Variants in RPS24 observed in about 807,000 individuals in gnomAD.
RPS24 encodes the protein ribosomal protein S24.
For missense variants in RPS24, 100 were observed against 162.5 expected, an observed-to-expected ratio of 0.62 and a Z score of 2.09; for synonymous variants, 72 against 55.6, an observed-to-expected ratio of 1.30 and a Z score of -1.31.
intron 1 of RPS24, among the ~76,000 whole-genome samples, chr10:78,034,822 C>T (rs76957718): frequency 0.046 from 7,035 of 152,258 alleles, 509 homozygotes; most frequent in African/African-American, 0.16. Flanking sequence ...ACATGATAAA[C>T]ACAGTTCATT....
chr10:78,052,591 T>G (rs982450156), intron 4 of RPS24, among the ~76,000 whole-genome samples: 4 of 152,114 alleles, frequency 2.6e-5, no homozygotes, highest in Non-Finnish European at 5.9e-5. Flanking sequence ...GCACGGCAGG[T>G]TCTGCTCTGC....
At position 78,034,013 on chromosome 10, in the gene RPS24, T is replaced by C. The variant is rs548013256; in HGVS notation, c.3+109T>C. On this transcript the variant is annotated intron_variant, in intron 1 of 5. Coordinates refer to ENST00000372360, the MANE Select transcript of RPS24 (RefSeq NM_033022.4). ...CACGCGAAGCCCGGTTGCTCTTCTC[T>C]GGCCGTTTCTGTCAGAGGATGGTTG... 5.1e-6 allele frequency: 7 copies of C among 1,363,874 alleles called. No individual in the cohort carries two copies. In the African/African-American group the frequency reaches 9.9e-5, roughly 19 times the overall value. 84.5% of individuals were successfully genotyped at this position (1,363,874 alleles called of 1,614,324 possible). A position where few individuals can be genotyped will look rare whatever the true frequency, so the allele number is the denominator to read the frequency against.
chr10:78,038,527 T>C (rs1847924720), intron 4 of RPS24: 1 of 149,438 alleles, frequency 6.7e-6, no homozygotes, highest in Non-Finnish European at 1.5e-5. Context: ...CTCCCAACTT[T>C]GTGCCTGGTG....
At chr10:78,041,255 G>C (rs1225569719), downstream of RPS24, among the ~76,000 whole-genome samples, 1 of 152,210 alleles carries the variant, frequency 6.6e-6, no homozygotes, top group African/African-American at 2.4e-5. Context: ...CAGAAGGGTT[G>C]AGGTTGCAGG....
At chr10:78,034,034 G>A in intron 1 of RPS24, 130 bp downstream of exon 1, 1 of 1,164,452 alleles carries the variant, frequency 8.6e-7, no homozygotes, top group Non-Finnish European at 1.3e-6. Flanking sequence ...GTCAGAGGAT[G>A]GTTGTCGAGG....
At chr10:78,046,476 A>T (rs1848045050) in intron 4 of RPS24, among the ~76,000 whole-genome samples, 1 of 149,784 alleles carries the variant, frequency 6.7e-6, no homozygotes, top group Admixed American at 6.7e-5. Flanking sequence ...CTCCTGCCTC[A>T]GCCTCCATAG....
chr10:78,055,127 C>T, exon 5 of RPS24: 1 of 1,414,830 alleles, frequency 7.1e-7, no homozygotes, highest in South Asian at 1.7e-5. Context: ...GCTGGCACCT[C>T]TGTTCAGAAC....
chr10:78,052,878 G>A (rs553485613), intron 4 of RPS24, among the ~76,000 whole-genome samples: 163 of 152,296 alleles, frequency 1.1e-3, no homozygotes, highest in African/African-American at 3.5e-3. Flanking sequence ...CAAGCCGGGC[G>A]CAGTGGCTCA....
At chr10:78,051,006 C>G (rs1186238116) in intron 4 of RPS24, among the ~76,000 whole-genome samples, 1 of 152,156 alleles carries the variant, frequency 6.6e-6, no homozygotes, top group Non-Finnish European at 1.5e-5. Flanking sequence ...GCATGGCCAA[C>G]CTGGCAAAAC....
downstream of RPS24, among the ~76,000 whole-genome samples, chr10:78,045,382 T>C (rs1233022313): frequency 1.3e-5 from 2 of 152,202 alleles, no homozygotes; most frequent in Non-Finnish European, 2.9e-5. Flanking sequence ...GGGCCATGGA[T>C]GGGCAAAAGA....
At chr10:78,034,374 ATGTTTCATAG>A (rs1177510957) in intron 1 of RPS24, 2 of 207,242 alleles carry the variant, frequency 9.7e-6, no homozygotes, top group Non-Finnish European at 2.0e-5. Context: ...ATGGATCTTC[ATGTTTCATAG>A]TGGGGAAACA....
chr10:78,035,141 C>G (rs1466550243), intron 1 of RPS24, among the ~76,000 whole-genome samples: 8 of 152,192 alleles, frequency 5.3e-5, no homozygotes, highest in Non-Finnish European at 8.8e-5. Flanking sequence ...TGTACAGATT[C>G]ATGTGTAAAA....
Position 78,035,687 on chromosome 10 carries a change from A to C in RPS24, c.246A>C (p.Ala82=), listed in dbSNP as rs1240034111. Residue 82 remains alanine (A), a synonymous_variant, in exon 3 of 6, where the codon GCA becomes GCC. Coordinates refer to ENST00000372360, the MANE Select transcript of RPS24 (RefSeq NM_033022.4). ...FGMIYDSLDY[A]KKNEPKHRLA... ...TGATTTATGATTCCCTGGATTATGCAAAGAAAAATGAACCCAAACATAGAC... is the reference window on the plus strand; with the variant it reads ...TGATTTATGATTCCCTGGATTATGCCAAGAAAAATGAACCCAAACATAGAC... 6.2e-7 allele frequency: 1 copy of C among 1,602,832 alleles called. No homozygotes were observed. Among genetic ancestry groups the C allele is most frequent in the Non-Finnish European group, 8.5e-7 (1 of 1,179,936 alleles).
At chr10:78,051,187 C>G (rs1308834312) in intron 4 of RPS24, among the ~76,000 whole-genome samples, 1 of 152,224 alleles carries the variant, frequency 6.6e-6, no homozygotes, top group Non-Finnish European at 1.5e-5. Flanking sequence ...GGGTGAGACT[C>G]TGTCTCAAAC....
intron 4 of RPS24, among the ~76,000 whole-genome samples, chr10:78,054,060 G>A (rs765288385): frequency 1.3e-5 from 2 of 152,154 alleles, no homozygotes; most frequent in Non-Finnish European, 2.9e-5. Context: ...ACCTTGGTGA[G>A]CTTTCCCAGG....
At chr10:78,034,054 C>T (rs964879679) in intron 1 of RPS24, 150 bp downstream of exon 1, 1 of 1,016,562 alleles carries the variant, frequency 9.8e-7, no homozygotes, top group African/African-American at 1.6e-5. Flanking sequence ...GGGCTCGGGG[C>T]TGTTGGCAGG....
intron 4 of RPS24, among the ~76,000 whole-genome samples, chr10:78,052,027 A>G (rs1369449515): frequency 6.6e-6 from 1 of 151,664 alleles, no homozygotes; most frequent in African/African-American, 2.4e-5. Context: ...AAATTTATTT[A>G]TTTATTTATT....
rs370741781 is a variant in RPS24, at chr10:78,035,466, A to T, written c.70-45A>T. ...TGCTTAATTGTCCTTTACTCTAAAG[A>T]TGTATTTTATCATACTGAATGCTAA... On this transcript the variant is annotated intron_variant, in intron 2 of 5. Transcript: ENST00000372360. 52 of 1,612,696 alleles carry T rather than the reference A, an allele frequency of 3.2e-5. No homozygotes were observed. The Admixed American group carries it at 4.5e-4, about 14-fold the overall frequency.
chr10:78,036,502 CA>C (rs1300322694), intron 3 of RPS24: 1 of 153,480 alleles, frequency 6.5e-6, no homozygotes, highest in Non-Finnish European at 1.4e-5. Context: ...GACTGGGTTT[CA>C]CCATGTTGGT....
Sources: gnomAD v4.1 joint callset for allele counts (sites outside exome capture counted in the v4.1 genomes callset) on GRCh38, gnomAD v4.1.1 for gene constraint, MANE v1.5 for transcripts, NCBI Gene and HGNC (gene_info 2026-07-23, HGNC 2026-07-21) for gene names.